The following CDKL3 variants were observed in gnomAD, a reference collection of about 807,000 sequenced individuals.
CDKL3 encodes cyclin-dependent kinase-like 3.
CDKL3 carries 65 observed loss-of-function variants against 69.3 expected under a neutral mutation model. That is an observed-to-expected ratio of 0.94 (90% confidence interval 0.77 to 1.15). The LOEUF (loss-of-function observed/expected upper bound fraction) is 1.15. Ranked by LOEUF, CDKL3 falls within the 50% of genes most tolerant of loss-of-function variation. The pLI is 0.00. For missense variants in CDKL3, 652 were observed against 689.2 expected (o/e 0.95, Z 0.61); for synonymous variants, 202 against 221.6 (o/e 0.91, Z 0.79).
upstream of CDKL3, chr5:134,371,480 C>T: frequency 8.0e-7 from 1 of 1,253,656 alleles, no homozygotes; most frequent in Non-Finnish European, 1.1e-6. Context: ...GTCTCGGCGG[C>T]GGCGGCGGCG....
chr5:134,359,533 T>C (rs544683585), intron 3 of CDKL3, among the ~76,000 whole-genome samples: 1 of 152,278 alleles, frequency 6.6e-6, no homozygotes, highest in South Asian at 2.1e-4. Context: ...GGCGGAGTCT[T>C]GCTAAACCTC....
chr5:134,371,172 C>T (rs952198679), upstream of CDKL3: 1 of 274,852 alleles, frequency 3.6e-6, no homozygotes, highest in South Asian at 3.4e-5. Context: ...AATCTCTGGC[C>T]CGGATGCGTC....
chr5:134,371,365 C>G, upstream of CDKL3: 1 of 634,670 alleles, frequency 1.6e-6, no homozygotes, highest in Non-Finnish European at 2.7e-6. Context: ...AGGCGCGCTC[C>G]CGCGTCCCGC....
chr5:134,285,950 C>A (rs371426351), downstream of CDKL3, among the ~76,000 whole-genome samples: 2 of 152,076 alleles, frequency 1.3e-5, no homozygotes, highest in Non-Finnish European at 2.9e-5. Context: ...GGTGAAACCC[C>A]GTCTCCACTA....
At chr5:134,336,318 A>C (rs1777099810) in intron 4 of CDKL3, among the ~76,000 whole-genome samples, 1 of 152,110 alleles carries the variant, frequency 6.6e-6, no homozygotes, top group African/African-American at 2.4e-5. Context: ...TCTGAAGCCT[A>C]CTTCTGTCAA....
intron 4 of CDKL3, among the ~76,000 whole-genome samples, chr5:134,329,509 T>C (rs564219085): frequency 1.1e-4 from 16 of 152,098 alleles, no homozygotes; most frequent in African/African-American, 3.9e-4. Context: ...AGTCTCGCTC[T>C]GTCGCCCAGG....
chr5:134,295,950 G>A (rs2149406138), downstream of CDKL3, among the ~76,000 whole-genome samples: 1 of 152,226 alleles, frequency 6.6e-6, no homozygotes, highest in African/African-American at 2.4e-5. Flanking sequence ...AGGCTGGAGT[G>A]CAGTGGCACA....
At chr5:134,316,279 AT>A (rs1414400251) in intron 6 of CDKL3, among the ~76,000 whole-genome samples, 1 of 152,182 alleles carries the variant, frequency 6.6e-6, no homozygotes, top group East Asian at 1.9e-4. Context: ...CCTAAAAAAA[AT>A]AAAACAAATG....
At chr5:134,303,933 A>C (rs1221464709) in intron 11 of CDKL3, among the ~76,000 whole-genome samples, 1 of 148,242 alleles carries the variant, frequency 6.7e-6, no homozygotes, top group African/African-American at 2.6e-5. Context: ...TTAATTAAAA[A>C]AAAATTTTTT....
chr5:134,302,278 A>G, intron 12 of CDKL3: 2 of 463,536 alleles, frequency 4.3e-6, no homozygotes, highest in Middle Eastern at 3.2e-4. Flanking sequence ...CCATATAACC[A>G]TATATTTATA....
intron 4 of CDKL3, among the ~76,000 whole-genome samples, chr5:134,326,101 C>A (rs2149502263): frequency 6.6e-6 from 1 of 152,090 alleles, no homozygotes; most frequent in South Asian, 2.1e-4. Flanking sequence ...GTACTCTCTC[C>A]ACAGAATGCA....
At chr5:134,356,984 C>T (rs1437233809) in intron 3 of CDKL3, among the ~76,000 whole-genome samples, 4 of 151,706 alleles carry the variant, frequency 2.6e-5, no homozygotes, top group Admixed American at 6.6e-5. Context: ...ACTACTATAT[C>T]GTTTGTGCCA....
In CDKL3 at chr5:134,360,394, AG is replaced by A. The variant is rs576240937; in HGVS notation, c.166-304del. 7.9e-3 allele frequency among the ~76,000 whole-genome samples: 1,207 copies of A among 152,026 alleles called. 5 individuals carry two copies. Among genetic ancestry groups the A allele is most frequent in the Non-Finnish European group, 0.012 (807 of 67,972 alleles). The stretch of plus-strand genomic sequence containing the variant: ...TCATTTTTGTACTTTTAGTAGAAAC[AG>A]GGTTTCACCATGTTGGCCAGGCTGG... On this transcript the variant is annotated intron_variant, in intron 2 of 12. Coordinates refer to ENST00000265334, the MANE Select transcript of CDKL3 (RefSeq NM_001113575.2).
At position 134,350,313 on chromosome 5, in the gene CDKL3, C is replaced by A; in HGVS notation, c.475G>T (p.Asp159Tyr). The change falls in exon 4 of 13, where the codon GAC (aspartate) becomes TAC (tyrosine). Residue 159 changes from aspartate (D) to tyrosine (Y), a missense_variant. Asp to Tyr is a radical substitution (Grantham distance 160, BLOSUM62 -3). Coordinates refer to ENST00000265334, the MANE Select transcript of CDKL3 (RefSeq NM_001113575.2). ...CTATACCAGCGTGTGGCCACATAGT[C>A]CGTATAAATGTCCCCAGGAGCTGCT... ...TLAAPGDIYT[D>Y]YVATRWYRAP... The A allele has an allele frequency of 6.3e-7, 1 of 1,594,448 alleles. No individual in the cohort carries two copies. The highest frequency in any genetic ancestry group is 1.1e-5 in the South Asian group (1 of 87,658).
chr5:134,336,213 A>G (rs1048333772), intron 4 of CDKL3, among the ~76,000 whole-genome samples: 3 of 152,162 alleles, frequency 2.0e-5, no homozygotes, highest in Non-Finnish European at 4.4e-5. Flanking sequence ...TATTCTAGTT[A>G]GCCATTCGTC....
Position 134,299,831 on chromosome 5 carries a change from T to G in CDKL3, c.1720-1121A>C, listed in dbSNP as rs749222655. The G allele has an allele frequency of 4.4e-6, 4 of 911,478 alleles. No homozygotes were observed. The East Asian group carries it at 8.0e-5, about 18-fold the overall frequency. The allele number at this position is 911,478 out of a possible 1,614,324, so 56.5% of individuals were successfully genotyped here. Reference sequence around the variant, plus strand: ...AGGAAATACAGCCAGAGATAAATACTTGTACTTTGCCCCTATGGGTTGTTT... The same window carrying G: ...AGGAAATACAGCCAGAGATAAATACGTGTACTTTGCCCCTATGGGTTGTTT... On this transcript the variant is annotated intron_variant, in intron 12 of 12. Coordinates refer to ENST00000265334, the MANE Select transcript of CDKL3 (RefSeq NM_001113575.2).
chr5:134,315,173 A>AT (rs1770672293), intron 6 of CDKL3, among the ~76,000 whole-genome samples: 1 of 152,132 alleles, frequency 6.6e-6, no homozygotes, highest in Non-Finnish European at 1.5e-5. Flanking sequence ...TTTGTCTATG[A>AT]TAAATGTAGC....
intron 4 of CDKL3, among the ~76,000 whole-genome samples, chr5:134,342,139 C>A (rs1164150006): frequency 6.6e-6 from 1 of 152,044 alleles, no homozygotes; most frequent in East Asian, 1.9e-4. Flanking sequence ...AATATGAACT[C>A]AATATACAAA....
chr5:134,371,123 A>C, upstream of CDKL3: 1 of 230,054 alleles, frequency 4.3e-6, no homozygotes, highest in Non-Finnish European at 8.7e-6. Context: ...GGCCGCGGGC[A>C]GTCACGTGAT....
Sources: gnomAD v4.1 joint callset for allele counts (sites outside exome capture counted in the v4.1 genomes callset) on GRCh38, gnomAD v4.1.1 for gene constraint, MANE v1.5 for transcripts, NCBI Gene and HGNC (gene_info 2026-07-23, HGNC 2026-07-21) for gene names.